EYS: variants seen among roughly 807,000 people sequenced by gnomAD.
EYS encodes the protein protein eyes shut homolog.
A neutral mutation model predicts 282.1 loss-of-function variants in EYS; 250 were observed. The observed-to-expected ratio is 0.89, with a 90% CI of 0.80 to 0.98. The LOEUF is 0.98. EYS is among the 50% of genes least tolerant of loss of function. The pLI is 0.00. For synonymous variants in EYS, 1,355 were observed against 1,282.9 expected (o/e 1.06, Z -1.20); for missense variants, 4,016 against 3,709.0 (o/e 1.08, Z -2.15).
At chr6:64,840,454 A>G (rs1322045179) in intron 19 of EYS, among the ~76,000 whole-genome samples, 2 of 152,170 alleles carry the variant, frequency 1.3e-5, no homozygotes, top group Admixed American at 6.6e-5. Flanking sequence ...CATTTGAATT[A>G]ATGGGTTGAT....
intron 10 of EYS, among the ~76,000 whole-genome samples, chr6:65,342,473 C>T (rs1478781923): frequency 6.6e-6 from 1 of 150,768 alleles, no homozygotes; most frequent in African/African-American, 2.4e-5. Context: ...ATTTAGTCAA[C>T]ATTAAGAACT....
rs142166457 is a variant in EYS at position 63,753,434 on chromosome 6, A to T, written c.8071+9027T>A. ...GGCATATGTTTTAGCTCAGTAAACA[A>T]GTCCTGGAGATTTTTAAATCTAGAT... is the stretch of plus-strand genomic sequence containing the variant. On this transcript the variant is annotated intron_variant, in intron 41 of 42. Coordinates refer to ENST00000503581, the MANE Select transcript of EYS (RefSeq NM_001142800.2). 2.6e-3 allele frequency among the ~76,000 whole-genome samples: 402 copies of T among 152,220 alleles called. 1 individual carries two copies. Among genetic ancestry groups the T allele is most frequent in the African/African-American group, 9.2e-3 (383 of 41,536 alleles).
At chr6:64,729,831 A>C (rs1003292230) in intron 22 of EYS, among the ~76,000 whole-genome samples, 2 of 152,222 alleles carry the variant, frequency 1.3e-5, no homozygotes, top group Non-Finnish European at 2.9e-5. Flanking sequence ...ATACACAAGG[A>C]GAAGAAATAA....
chr6:64,093,544 G>C (rs1394400136), intron 31 of EYS, among the ~76,000 whole-genome samples: 1 of 152,038 alleles, frequency 6.6e-6, no homozygotes, highest in African/African-American at 2.4e-5. Flanking sequence ...CTCATGATTT[G>C]GCTCTCTGTT....
rs1015133815 is a variant in EYS, at chr6:63,908,067, A to C, written c.7056-43709T>G. Among the ~76,000 whole-genome samples, 11 of 135,344 alleles carry C rather than the reference A, an allele frequency of 8.1e-5. No homozygotes were observed. The South Asian group carries it at 2.4e-3, about 30-fold the overall frequency. 88.8% of individuals were successfully genotyped at this position (135,344 alleles called of 152,430 possible). On this transcript the variant is annotated intron_variant, in intron 35 of 42. Transcript: ENST00000503581. ...GTGTGTGTGTGTGTGTGTGTGTGTA[A>C]ATATATCTGTCTCAGTCTCTATCAA...
chr6:64,979,770 T>A (rs1366952014), intron 14 of EYS, among the ~76,000 whole-genome samples: 1 of 151,602 alleles, frequency 6.6e-6, no homozygotes, highest in Non-Finnish European at 1.5e-5. Context: ...GCAAGAGAAG[T>A]GTTTAAGCAA....
At chr6:63,801,222 T>C (rs552475925) in intron 37 of EYS, among the ~76,000 whole-genome samples, 31 of 152,130 alleles carry the variant, frequency 2.0e-4, no homozygotes, top group Middle Eastern at 6.8e-3. Context: ...AGGCTATTGC[T>C]ATTGCAATAG....
At chr6:64,511,240 TATATATATATG>T in intron 26 of EYS, among the ~76,000 whole-genome samples, 1 of 143,726 alleles carries the variant, frequency 7.0e-6, no homozygotes, top group Non-Finnish European at 1.5e-5. Context: ...ATATATATCA[TATATATATATG>T]ATATATATAT....
At chr6:64,661,849 G>A (rs963285959) in intron 22 of EYS, among the ~76,000 whole-genome samples, 7 of 138,810 alleles carry the variant, frequency 5.0e-5, no homozygotes, top group African/African-American at 1.9e-4. Context: ...TCTAGAACTA[G>A]AAATACCATT....
chr6:64,168,767 T>C (rs77565986), intron 31 of EYS, among the ~76,000 whole-genome samples: 3,021 of 152,176 alleles, frequency 0.02, 83 homozygotes, highest in African/African-American at 0.06. Flanking sequence ...TGAATGCAAA[T>C]GGACACAAAG....
chr6:64,396,236 A>T (rs1169103196), intron 28 of EYS, among the ~76,000 whole-genome samples: 3 of 152,168 alleles, frequency 2.0e-5, no homozygotes, highest in Non-Finnish European at 4.4e-5. Context: ...GTGAAATTTT[A>T]AATTGTTGAG....
At chr6:64,625,043 T>C (rs972075973) in intron 23 of EYS, among the ~76,000 whole-genome samples, 1 of 152,132 alleles carries the variant, frequency 6.6e-6, no homozygotes, top group Non-Finnish European at 1.5e-5. Flanking sequence ...CTCAATAACT[T>C]TTTTTAAGTG....
At chr6:65,347,994 C>T (rs1485893151) in intron 9 of EYS, among the ~76,000 whole-genome samples, 2 of 151,636 alleles carry the variant, frequency 1.3e-5, no homozygotes, top group Non-Finnish European at 3.0e-5. Flanking sequence ...TCTTTCTGCG[C>T]CTGGCTTATT....
At chr6:65,521,801 C>T (rs896610393) in intron 2 of EYS, among the ~76,000 whole-genome samples, 1 of 152,118 alleles carries the variant, frequency 6.6e-6, no homozygotes, top group African/African-American at 2.4e-5. Context: ...TAAGGGTCCT[C>T]AAATTATGAA....
At chr6:65,653,393 G>A (rs546420371) in intron 1 of EYS, among the ~76,000 whole-genome samples, 11 of 151,992 alleles carry the variant, frequency 7.2e-5, no homozygotes, top group Middle Eastern at 3.4e-3. Context: ...AAGTAACAAT[G>A]AAGATAAAAT....
intron 26 of EYS, among the ~76,000 whole-genome samples, chr6:64,484,048 A>G (rs1265816706): frequency 6.6e-6 from 1 of 151,598 alleles, no homozygotes; most frequent in East Asian, 1.9e-4. Flanking sequence ...GAGCAATTAG[A>G]TGTTCTTCAA....
intron 2 of EYS, among the ~76,000 whole-genome samples, chr6:65,549,520 G>T (rs1323402677): frequency 1.3e-5 from 2 of 152,098 alleles, no homozygotes; most frequent in Non-Finnish European, 2.9e-5. Context: ...TAGCTGTTTA[G>T]TTGCTATGAA....
chr6:65,356,221 A>G (rs768238490), intron 8 of EYS, among the ~76,000 whole-genome samples: 8 of 152,066 alleles, frequency 5.3e-5, no homozygotes, highest in Non-Finnish European at 1.2e-4. Flanking sequence ...AAACAGCAAC[A>G]ACAAAAACTA....
At chr6:64,890,625 T>C (rs976158346) in intron 18 of EYS, among the ~76,000 whole-genome samples, 3 of 152,190 alleles carry the variant, frequency 2.0e-5, no homozygotes, top group Admixed American at 1.3e-4. Flanking sequence ...TAATTTAAGA[T>C]GAACTTCTCA....
Sources: allele counts gnomAD v4.1 joint callset (sites outside exome capture counted in the v4.1 genomes callset), GRCh38; gene constraint gnomAD v4.1.1; transcripts MANE v1.5; gene names NCBI Gene and HGNC (gene_info 2026-07-23, HGNC 2026-07-21).